The following ALCAM variants were observed in gnomAD, a reference collection of about 807,000 sequenced individuals.
ALCAM encodes the protein activated leukocyte cell adhesion molecule.
ALCAM carries 30 observed loss-of-function variants against 70.9 expected under a neutral mutation model. The ratio of observed to expected loss-of-function variants is 0.42; its 90% confidence interval spans 0.32 to 0.57. The LOEUF is 0.57. Among genes scored for constraint, ALCAM ranks in the 20% least tolerant of loss-of-function variants. The pLI is 0.11. For missense variants in ALCAM, 591 were observed against 695.1 expected (o/e 0.85, Z 1.68); for synonymous variants, 249 against 242.5 (o/e 1.03, Z -0.25).
chr3:105,385,893 C>A (rs1935640272), intron 1 of ALCAM, among the ~76,000 whole-genome samples: 1 of 151,548 alleles, frequency 6.6e-6, no homozygotes, highest in African/African-American at 2.4e-5. Context: ...CAACAGAGTG[C>A]ATTTGAATAT....
intron 1 of ALCAM, among the ~76,000 whole-genome samples, chr3:105,434,006 A>G (rs925224126): frequency 6.6e-6 from 1 of 152,108 alleles, no homozygotes; most frequent in Non-Finnish European, 1.5e-5. Flanking sequence ...CACTTATTTC[A>G]TTGTCCCACT....
chr3:105,440,168 A>G (rs925014572), intron 1 of ALCAM, among the ~76,000 whole-genome samples: 2 of 152,202 alleles, frequency 1.3e-5, no homozygotes, highest in African/African-American at 4.8e-5. Context: ...AGTCATAACT[A>G]GAGAAAGCAC....
chr3:105,459,077 T>G (rs1937569987), intron 1 of ALCAM, among the ~76,000 whole-genome samples: 3 of 152,130 alleles, frequency 2.0e-5, no homozygotes, highest in Admixed American at 2.0e-4. Context: ...TCCAAGATTG[T>G]CTCCCTTGCT....
chr3:105,569,550 G>T (rs1940820041), intron 14 of ALCAM, among the ~76,000 whole-genome samples: 1 of 152,082 alleles, frequency 6.6e-6, no homozygotes, highest in Non-Finnish European at 1.5e-5. Context: ...AAAAAAAGCA[G>T]CTGGGTATGT....
intron 1 of ALCAM, among the ~76,000 whole-genome samples, chr3:105,378,975 C>T (rs1044154512): frequency 6.6e-6 from 1 of 151,954 alleles, no homozygotes; most frequent in African/African-American, 2.4e-5. Context: ...TCTTCATGAA[C>T]TGTCTATGCT....
chr3:105,415,060 GTGTTT>G (rs1384981783), intron 1 of ALCAM, among the ~76,000 whole-genome samples: 3 of 152,112 alleles, frequency 2.0e-5, no homozygotes, highest in African/African-American at 7.2e-5. Flanking sequence ...CTGTTAAACA[GTGTTT>G]CGAATGACTT....
At chr3:105,561,316 G>A (rs1343711409) in intron 14 of ALCAM, among the ~76,000 whole-genome samples, 1 of 152,116 alleles carries the variant, frequency 6.6e-6, no homozygotes, top group East Asian at 1.9e-4. Flanking sequence ...GATTGCATCT[G>A]CAAATGGAGA....
chr3:105,569,037 T>C (rs1390693349), intron 14 of ALCAM, among the ~76,000 whole-genome samples: 3 of 152,182 alleles, frequency 2.0e-5, no homozygotes, highest in Non-Finnish European at 2.9e-5. Context: ...ATTTATATTA[T>C]AGTAGTCACT....
intron 14 of ALCAM, among the ~76,000 whole-genome samples, chr3:105,570,582 T>G (rs768818713): frequency 9.9e-5 from 15 of 152,138 alleles, no homozygotes; most frequent in Non-Finnish European, 1.8e-4. Context: ...CACACATGTC[T>G]AAGCTATGTA....
At chr3:105,474,785 T>G (rs1938054449) in intron 1 of ALCAM, among the ~76,000 whole-genome samples, 1 of 151,804 alleles carries the variant, frequency 6.6e-6, no homozygotes, top group African/African-American at 2.4e-5. Flanking sequence ...ATAGTTTACT[T>G]ATTATAATTT....
At chr3:105,441,532 T>C (rs1937170015) in intron 1 of ALCAM, among the ~76,000 whole-genome samples, 1 of 152,216 alleles carries the variant, frequency 6.6e-6, no homozygotes, top group African/African-American at 2.4e-5. Flanking sequence ...AGGAAACATA[T>C]GGAGCTGTAA....
chr3:105,500,704 T>C (rs948039230), intron 1 of ALCAM, among the ~76,000 whole-genome samples: 1 of 152,234 alleles, frequency 6.6e-6, no homozygotes, highest in Non-Finnish European at 1.5e-5. Flanking sequence ...CTTGGTTCTA[T>C]CTTCAACACT....
chr3:105,505,799 A>T (rs1262964854), intron 1 of ALCAM, among the ~76,000 whole-genome samples: 2 of 152,196 alleles, frequency 1.3e-5, no homozygotes, highest in Non-Finnish European at 2.9e-5. Flanking sequence ...TATATCAACA[A>T]TATTAGATAA....
At chr3:105,543,934 C>G (rs1940182247) in intron 8 of ALCAM, among the ~76,000 whole-genome samples, 1 of 151,648 alleles carries the variant, frequency 6.6e-6, no homozygotes, top group African/African-American at 2.4e-5. Context: ...GTTTGAGAGT[C>G]TACCATGTCT....
chr3:105,402,204 A>G (rs568328347), intron 1 of ALCAM, among the ~76,000 whole-genome samples: 9 of 152,360 alleles, frequency 5.9e-5, no homozygotes, highest in African/African-American at 2.2e-4. Flanking sequence ...GAAATGTGCC[A>G]AATCTAGATA....
intron 1 of ALCAM, among the ~76,000 whole-genome samples, chr3:105,519,369 A>T (rs1414351256): frequency 3.3e-5 from 5 of 151,990 alleles, no homozygotes; most frequent in Non-Finnish European, 5.9e-5. Flanking sequence ...TATGTACAAA[A>T]TTGTGGTTTA....
rs1301741254 is a variant in ALCAM at position 105,471,472 on chromosome 3, C to T, written c.74-48595C>T. 2.6e-5 allele frequency among the ~76,000 whole-genome samples: 4 copies of T among 151,322 alleles called. No homozygotes were observed. The East Asian group carries it at 7.8e-4, about 29-fold the overall frequency. On this transcript the variant is annotated intron_variant, in intron 1 of 15. Coordinates refer to ENST00000306107, the MANE Select transcript of ALCAM (RefSeq NM_001627.4). ...AAGACAAATTTGATGGTGTGGAGAG[C>T]TTCCACGTAAATACGACTTCATTTT...
rs529545132 is a variant in ALCAM, at chr3:105,557,637, A to T, written c.1664+5052A>T. ...CTGTATGTGTCCCATCATCTACCCTAAAGAAACATTTTGAGCTGTGATGCT... is the reference window on the plus strand; with the variant it reads ...CTGTATGTGTCCCATCATCTACCCTTAAGAAACATTTTGAGCTGTGATGCT... On this transcript the variant is annotated intron_variant, in intron 14 of 15. Transcript: ENST00000306107. Among the ~76,000 whole-genome samples the T allele has an allele frequency of 3.9e-5, 6 of 152,160 alleles. No individual in the cohort carries two copies. The South Asian group carries it at 1.2e-3, about 32-fold the overall frequency.
chr3:105,394,066 T>G (rs1241846297), intron 1 of ALCAM, among the ~76,000 whole-genome samples: 1 of 151,962 alleles, frequency 6.6e-6, no homozygotes, highest in African/African-American at 2.4e-5. Flanking sequence ...CACATCAGTA[T>G]TCAAGTACTA....
Sources: gnomAD v4.1 joint callset for allele counts (sites outside exome capture counted in the v4.1 genomes callset) on GRCh38, gnomAD v4.1.1 for gene constraint, MANE v1.5 for transcripts, NCBI Gene and HGNC (gene_info 2026-07-23, HGNC 2026-07-21) for gene names.